The following SLC46A3 variants were observed in gnomAD, a reference collection of about 807,000 sequenced individuals.
The protein encoded by SLC46A3 is lysosomal proton-coupled steroid conjugate and bile acid symporter SLC46A3.
SLC46A3 carries 26 observed loss-of-function variants against 38.5 expected under a neutral mutation model. That is an observed-to-expected ratio of 0.68 (90% CI 0.49 to 0.94). The LOEUF is 0.94. Ranked by LOEUF, SLC46A3 falls within the 40% of genes least tolerant of loss-of-function variation. The pLI is 0.00. For synonymous variants in SLC46A3, 185 were observed against 192.5 expected, an observed-to-expected ratio of 0.96 and a Z score of 0.32; for missense variants, 510 against 544.3, an observed-to-expected ratio of 0.94 and a Z score of 0.63.
rs1885419896 is a variant in SLC46A3, at chr13:28,713,226, T to C, written c.514A>G (p.Ile172Val). The C allele has an allele frequency of 6.2e-7, 1 of 1,613,928 alleles. No homozygotes were observed. Among genetic ancestry groups the C allele is most frequent in the Non-Finnish European group, 8.5e-7 (1 of 1,180,010 alleles). Residue 172 changes from isoleucine (I) to valine (V), a missense_variant, in exon 3 of 6, where the codon ATT (isoleucine) becomes GTT (valine). Transcript: ENST00000266943. ...HKQKTIRIAI[I>V]DFLLGLVTGL... ...GTAACAAGTCCAAGTAGAAAGTCAA[T>C]GATAGCTATTCGAATTGTTTTTTGT...
chr13:28,712,828 AC>A lies in SLC46A3; in HGVS notation c.911del (p.Gly304ValfsTer6), dbSNP rs1285476347. On this transcript the variant is annotated frameshift_variant, in exon 3 of 6. Transcript: ENST00000266943. LOFTEE classifies it high-confidence loss of function. ...GGAAACTAGTCAAAAAAGAGGCACT[AC>A]CCAAAGCTGATCCATAACCTATAAA... ...EVFIGYGSAL[G>X]SASFLTSFLG... 3.7e-6 allele frequency: 6 copies of A among 1,613,704 alleles called. No homozygotes were observed. The East Asian group carries it at 1.1e-4, about 30-fold the overall frequency.
intron 4 of SLC46A3, among the ~76,000 whole-genome samples, chr13:28,705,790 C>T (rs1291779669): frequency 6.6e-6 from 1 of 152,232 alleles, no homozygotes; most frequent in African/African-American, 2.4e-5. Context: ...TGTTCTTCTA[C>T]TTGTCTAACT....
In SLC46A3 at chr13:28,709,047, T is replaced by A. The variant is rs1275310155; in HGVS notation, c.1144+1713A>T. Among the ~76,000 whole-genome samples the A allele has an allele frequency of 2.6e-5, 4 of 152,048 alleles. No homozygotes were observed. In the East Asian group the frequency reaches 7.8e-4, roughly 29 times the overall value. On this transcript the variant is annotated intron_variant, in intron 4 of 5. Coordinates refer to ENST00000266943, the MANE Select transcript of SLC46A3 (RefSeq NM_181785.4). ...TATGAGTGAAAAATAAGAGGCCGGG[T>A]GCGGTGGGTCACGCCTATAATCCCA...
At chr13:28,711,497 A>C (rs1193447780) in intron 3 of SLC46A3, among the ~76,000 whole-genome samples, 1 of 151,908 alleles carries the variant, frequency 6.6e-6, no homozygotes, top group Non-Finnish European at 1.5e-5. Flanking sequence ...TTATTTAGCA[A>C]ATTGAGACTG....
rs527558895 is a variant in SLC46A3, at chr13:28,703,783, G to A, written c.1301+160C>T. 1.1e-4 allele frequency: 54 copies of A among 499,464 alleles called. No individual in the cohort carries two copies. The South Asian group carries it at 2.1e-3, about 20-fold the overall frequency. The allele number at this position is 499,464 out of a possible 1,614,324, so 30.9% of individuals were successfully genotyped here. On this transcript the variant is annotated intron_variant, in intron 5 of 5. Transcript: ENST00000266943. Reference sequence around the variant, plus strand: ...ATCTTCACTGTGTCATTCCAATTTTGTATATATGCTGCTGAAGCGAGCACT... The same window carrying A: ...ATCTTCACTGTGTCATTCCAATTTTATATATATGCTGCTGAAGCGAGCACT...
In SLC46A3 at chr13:28,700,926, G is replaced by A; in HGVS notation, c.*571C>T. ...AGTCTTCAGAAGTCACAGTATATAA[G>A]CTCCGACTATCAATAGCAGCTTAAC... On this transcript the variant is annotated 3_prime_UTR_variant, in exon 6 of 6. Coordinates refer to ENST00000266943, the MANE Select transcript of SLC46A3 (RefSeq NM_181785.4). 3 of 1,485,584 alleles carry A rather than the reference G, an allele frequency of 2.0e-6. No individual in the cohort carries two copies. Among genetic ancestry groups the A allele is most frequent in the Non-Finnish European group, 2.8e-6 (3 of 1,088,790 alleles). 92.0% of individuals were successfully genotyped at this position (1,485,584 alleles called of 1,614,324 possible).
In SLC46A3 at chr13:28,701,150, C is replaced by A; in HGVS notation, c.*347G>T. The A allele has an allele frequency of 1.4e-6, 2 of 1,425,736 alleles. No homozygotes were observed. The highest frequency in any genetic ancestry group is 1.8e-6 in the Non-Finnish European group (2 of 1,089,740). 88.3% of individuals were successfully genotyped at this position (1,425,736 alleles called of 1,614,324 possible). A position where few individuals can be genotyped will look rare whatever the true frequency, so the allele number is the denominator to read the frequency against. On this transcript the variant is annotated 3_prime_UTR_variant, in exon 6 of 6. Coordinates refer to ENST00000266943, the MANE Select transcript of SLC46A3 (RefSeq NM_181785.4). ...TTCTCTTTGGTCTCAGTGTAAGAGC[C>A]TGGAATATGTCAGAGAGATTATTGC...
chr13:28,703,344 A>G (rs1021131062), intron 5 of SLC46A3, among the ~76,000 whole-genome samples: 11 of 152,168 alleles, frequency 7.2e-5, no homozygotes, highest in African/African-American at 2.7e-4. Flanking sequence ...GCAATCTTTG[A>G]CCATCAGGGG....
At position 28,700,718 on chromosome 13, in the gene SLC46A3, T is replaced by C. The variant is rs533006874; in HGVS notation, c.*779A>G. Reference sequence around the variant, plus strand: ...AGTATTAGCTGTTCATTCAGTTTTTTAACTTCTTTAGAGCAATTTTATTTA... The same window carrying C: ...AGTATTAGCTGTTCATTCAGTTTTTCAACTTCTTTAGAGCAATTTTATTTA... On this transcript the variant is annotated 3_prime_UTR_variant, in exon 6 of 6. Transcript: ENST00000266943. 9.8e-5 allele frequency: 42 copies of C among 430,756 alleles called. No individual in the cohort carries two copies. The East Asian group carries it at 1.5e-3, about 16-fold the overall frequency. The allele number at this position is 430,756 out of a possible 1,614,324, so 26.7% of individuals were successfully genotyped here.
intron 2 of SLC46A3, among the ~76,000 whole-genome samples, chr13:28,715,432 C>A (rs539745506): frequency 1.3e-5 from 2 of 152,330 alleles, no homozygotes; most frequent in South Asian, 4.1e-4. Context: ...TTCCCTCAGT[C>A]CAAGAGGGCA....
At chr13:28,705,366 T>C (rs1294147107) in intron 4 of SLC46A3, among the ~76,000 whole-genome samples, 1 of 152,250 alleles carries the variant, frequency 6.6e-6, no homozygotes. Flanking sequence ...CTTATGTGTA[T>C]ATTCTAATTT....
At position 28,710,857 on chromosome 13, in the gene SLC46A3, G is replaced by A; in HGVS notation, c.1061-14C>T. 6.2e-7 allele frequency: 1 copy of A among 1,602,142 alleles called. No homozygotes were observed. The highest frequency in any genetic ancestry group is 1.1e-5 in the South Asian group (1 of 90,362). On this transcript the variant is annotated splice_polypyrimidine_tract_variant and intron_variant, in intron 3 of 5. Coordinates refer to ENST00000266943, the MANE Select transcript of SLC46A3 (RefSeq NM_181785.4). The stretch of plus-strand genomic sequence containing the variant: ...ACGGCACCCTGGCTGTGAGAGAAAG[G>A]ATTCAAAATCACTGGCTGATTCTGA...
chr13:28,702,035 T>A (rs549549942), intron 5 of SLC46A3, among the ~76,000 whole-genome samples: 87 of 152,226 alleles, frequency 5.7e-4, no homozygotes, highest in Non-Finnish European at 9.8e-4. Flanking sequence ...CTTTTATCTA[T>A]CTGTTATAAC....
intron 4 of SLC46A3, among the ~76,000 whole-genome samples, chr13:28,707,058 C>A (rs983936626): frequency 6.6e-6 from 1 of 151,896 alleles, no homozygotes; most frequent in Non-Finnish European, 1.5e-5. Flanking sequence ...GGGTATATAC[C>A]CAAAGGATTA....
In SLC46A3 at chr13:28,700,703, G is replaced by A. The variant is rs1023269406; in HGVS notation, c.*794C>T. ...TAGTTACTTTATACCAGTATTAGCT[G>A]TTCATTCAGTTTTTTAACTTCTTTA... On this transcript the variant is annotated 3_prime_UTR_variant, in exon 6 of 6. Transcript: ENST00000266943. 114 of 417,244 alleles carry A rather than the reference G, an allele frequency of 2.7e-4. No homozygotes were observed. In the Middle Eastern group the frequency reaches 3.2e-3, roughly 12 times the overall value. The allele number at this position is 417,244 out of a possible 1,614,324, so 25.8% of individuals were successfully genotyped here.
At chr13:28,707,386 A>C (rs1239411128) in intron 4 of SLC46A3, among the ~76,000 whole-genome samples, 1 of 120,898 alleles carries the variant, frequency 8.3e-6, no homozygotes, top group Non-Finnish European at 1.6e-5. Context: ...AACATCACAC[A>C]CCGGGGCCTG....
chr13:28,714,458 A>G (rs1241990269), intron 2 of SLC46A3, among the ~76,000 whole-genome samples: 6 of 151,948 alleles, frequency 3.9e-5, no homozygotes, highest in African/African-American at 1.5e-4. Context: ...AATAAATTTA[A>G]AAAAACTAGG....
At chr13:28,718,062 C>T in intron 1 of SLC46A3, 40 bp from the exon 2 acceptor site, 1 of 1,517,698 alleles carries the variant, frequency 6.6e-7, no homozygotes, top group Non-Finnish European at 8.9e-7. Context: ...TCTGTCTCAT[C>T]CCAGAGGCTA....
At chr13:28,714,087 G>C (rs562477403) in intron 2 of SLC46A3, among the ~76,000 whole-genome samples, 406 of 149,542 alleles carry the variant, frequency 2.7e-3, no homozygotes, top group African/African-American at 9.7e-3. Flanking sequence ...TTGAGGTCAG[G>C]AGTTTGAGAC....
Sources: allele counts gnomAD v4.1 joint callset (sites outside exome capture counted in the v4.1 genomes callset), GRCh38; gene constraint gnomAD v4.1.1; transcripts MANE v1.5; gene names NCBI Gene and HGNC (gene_info 2026-07-23, HGNC 2026-07-21).